PKIB: variants seen among roughly 807,000 people sequenced by gnomAD.
The protein encoded by PKIB is cAMP-dependent protein kinase inhibitor beta, also known as PKI-beta.
In PKIB, 2 loss-of-function variants were observed where a neutral mutation model predicts 4.5. The ratio of observed to expected loss-of-function variants is 0.44; its 90% CI spans 0.18 to 1.39. The LOEUF (loss-of-function observed/expected upper bound fraction) is 1.39. PKIB is among the 40% of genes most tolerant of loss of function. The pLI is 0.27. For synonymous variants in PKIB, 38 were observed against 36.0 expected (o/e 1.06, Z -0.20); for missense variants, 94 against 92.6 (o/e 1.02, Z -0.06).
chr6:122,541,842 T>G (rs1000958649), intron 2 of PKIB, among the ~76,000 whole-genome samples: 1 of 151,934 alleles, frequency 6.6e-6, no homozygotes, highest in African/African-American at 2.4e-5. Flanking sequence ...GATTTGGTCT[T>G]TTCACATAGT....
intron 2 of PKIB, among the ~76,000 whole-genome samples, chr6:122,576,812 G>C (rs575002663): frequency 2.0e-4 from 30 of 149,676 alleles, no homozygotes; most frequent in Non-Finnish European, 2.5e-4. Context: ...AGGCATATGT[G>C]TATTATCGCA....
chr6:122,715,657 A>G (rs1779458499), intron 3 of PKIB, among the ~76,000 whole-genome samples: 1 of 150,530 alleles, frequency 6.6e-6, no homozygotes, highest in Non-Finnish European at 1.5e-5. Flanking sequence ...ATGTATATAT[A>G]TATATATACA....
intron 2 of PKIB, among the ~76,000 whole-genome samples, chr6:122,651,912 T>C (rs1409450603): frequency 6.6e-6 from 1 of 152,186 alleles, no homozygotes; most frequent in African/African-American, 2.4e-5. Flanking sequence ...GCATGAAATA[T>C]ATGGTCACCT....
intron 3 of PKIB, among the ~76,000 whole-genome samples, chr6:122,703,914 A>ATG (rs201938311): frequency 1.3e-4 from 19 of 142,084 alleles, no homozygotes; most frequent in East Asian, 4.0e-4. Context: ...CGCTATATAT[A>ATG]TATGTGTGTA....
chr6:122,667,785 T>C (rs1777291819), intron 2 of PKIB, among the ~76,000 whole-genome samples: 1 of 152,222 alleles, frequency 6.6e-6, no homozygotes, highest in South Asian at 2.1e-4. Context: ...GCTGTGGTTT[T>C]TATGTGGCAC....
intron 3 of PKIB, among the ~76,000 whole-genome samples, chr6:122,589,362 A>G (rs1013812090): frequency 2.0e-5 from 3 of 152,152 alleles, no homozygotes; most frequent in Admixed American, 1.3e-4. Context: ...ATAGCCATGT[A>G]AAAAGCAATA....
chr6:122,502,760 G>A (rs1776280842), intron 2 of PKIB, among the ~76,000 whole-genome samples: 1 of 152,070 alleles, frequency 6.6e-6, no homozygotes. Context: ...GTAAATTCTA[G>A]ATATTTTGGA....
chr6:122,634,369 A>C (rs1191431543), intron 2 of PKIB, among the ~76,000 whole-genome samples: 8 of 152,086 alleles, frequency 5.3e-5, no homozygotes, highest in Middle Eastern at 3.2e-3. Context: ...AAAATAAATA[A>C]ATAATAAATA....
At chr6:122,695,053 A>G (rs1022761392) in intron 3 of PKIB, among the ~76,000 whole-genome samples, 1 of 152,290 alleles carries the variant, frequency 6.6e-6, no homozygotes, top group Non-Finnish European at 1.5e-5. Context: ...ATACCCTCTC[A>G]TGAAATGCAA....
At chr6:122,529,726 GT>G (rs1777199463) in intron 2 of PKIB, among the ~76,000 whole-genome samples, 1 of 152,012 alleles carries the variant, frequency 6.6e-6, no homozygotes, top group African/African-American at 2.4e-5. Flanking sequence ...TGATAGTTTT[GT>G]TTTCCTTTCT....
At chr6:122,483,778 G>A (rs1273264278) in intron 2 of PKIB, 2 of 152,186 alleles carry the variant, frequency 1.3e-5, no homozygotes, top group Non-Finnish European at 2.9e-5. Flanking sequence ...GGCTGTAAGG[G>A]TCTAAAGCTG....
At chr6:122,565,086 C>T (rs1229381734) in intron 2 of PKIB, among the ~76,000 whole-genome samples, 1 of 152,148 alleles carries the variant, frequency 6.6e-6, no homozygotes, top group Non-Finnish European at 1.5e-5. Context: ...GTAAGTGGCA[C>T]CGAATAATTA....
Position 122,484,726 on chromosome 6 carries a change from C to A in PKIB, c.-248+6787C>A, listed in dbSNP as rs527553411. 5.3e-5 allele frequency among the ~76,000 whole-genome samples: 8 copies of A among 152,186 alleles called. No individual in the cohort carries two copies. The South Asian group carries it at 1.7e-3, about 32-fold the overall frequency. On this transcript the variant is annotated intron_variant, in intron 2 of 6. Coordinates refer to the PKIB transcript ENST00000392491. ...TATGATCTCAAACCCTGAAACAAAA[C>A]AACATATCACATCCCGTGGATCATC...
At chr6:122,539,377 A>G (rs1777515167) in intron 2 of PKIB, among the ~76,000 whole-genome samples, 1 of 152,042 alleles carries the variant, frequency 6.6e-6, no homozygotes, top group South Asian at 2.1e-4. Context: ...ATTTATTGAT[A>G]GTTTTTAGCA....
intron 3 of PKIB, among the ~76,000 whole-genome samples, chr6:122,676,853 G>A (rs1320241888): frequency 6.6e-6 from 1 of 152,134 alleles, no homozygotes; most frequent in Non-Finnish European, 1.5e-5. Context: ...TTAGTTTTCA[G>A]TTTCATTGCA....
chr6:122,692,954 AT>A (rs1313527529), intron 3 of PKIB, among the ~76,000 whole-genome samples: 1 of 152,258 alleles, frequency 6.6e-6, no homozygotes, highest in Non-Finnish European at 1.5e-5. Flanking sequence ...TATAAAGACT[AT>A]TCAAGTTAAG....
intron 2 of PKIB, among the ~76,000 whole-genome samples, chr6:122,571,154 A>G (rs965710050): frequency 6.6e-6 from 1 of 152,192 alleles, no homozygotes; most frequent in Non-Finnish European, 1.5e-5. Flanking sequence ...AAATAATTTC[A>G]GAGCTTGAAG....
intron 3 of PKIB, among the ~76,000 whole-genome samples, chr6:122,591,972 C>T (rs1774033311): frequency 6.6e-6 from 1 of 150,392 alleles, no homozygotes; most frequent in African/African-American, 2.4e-5. Context: ...AACTGGGATT[C>T]AACACGTGGT....
chr6:122,689,887 A>G (rs1023006514), intron 3 of PKIB, among the ~76,000 whole-genome samples: 1 of 152,070 alleles, frequency 6.6e-6, no homozygotes, highest in Non-Finnish European at 1.5e-5. Flanking sequence ...TTGGGAGTCT[A>G]TCTCTCTCTC....
Sources: allele counts gnomAD v4.1 joint callset (sites outside exome capture counted in the v4.1 genomes callset), GRCh38; gene constraint gnomAD v4.1.1; transcripts MANE v1.5; gene names NCBI Gene and HGNC (gene_info 2026-07-23, HGNC 2026-07-21).